CRTAP: variants seen among roughly 807,000 people sequenced by gnomAD.
CRTAP encodes cartilage associated protein, also known as cartilage-associated protein.
Under a neutral mutation model 42.7 loss-of-function variants are expected in CRTAP, and 33 were observed. The observed-to-expected ratio is 0.77, with a 90% CI of 0.59 to 1.03. CRTAP has a LOEUF of 1.03. Among genes scored for constraint, CRTAP ranks in the 50% least tolerant of loss-of-function variants. CRTAP has a pLI of 0.00. For missense variants in CRTAP, 613 were observed against 533.9 expected (o/e 1.15, Z -1.46); for synonymous variants, 243 against 217.7 (o/e 1.12, Z -1.02).
rs2125608300 is a variant in CRTAP at position 33,143,944 on chromosome 3, CT to C, written c.*1497del. The C allele has an allele frequency of 6.6e-6, 1 of 152,470 alleles. No homozygotes were observed. The highest frequency in any genetic ancestry group is 1.9e-4 in the East Asian group (1 of 5,162). The allele number at this position is 152,470 out of a possible 1,614,324, so 9.4% of individuals were successfully genotyped here. On this transcript the variant is annotated 3_prime_UTR_variant, in exon 7 of 7. Transcript: ENST00000320954. ...GACAGGTGGTGGAGGGCCTTGGCTT[CT>C]GCTAAGTGAGATGGGAACCACTGGA...
chr3:33,130,839 GT>G (rs2030239245), intron 4 of CRTAP, among the ~76,000 whole-genome samples: 1 of 152,138 alleles, frequency 6.6e-6, no homozygotes, highest in African/African-American at 2.4e-5. Context: ...CGTCCTGTTA[GT>G]TTCATTCTAG....
rs1160635561 is a variant in CRTAP, at chr3:33,144,179, G to C, written c.*1731G>C. 2 of 152,260 alleles carry C rather than the reference G, an allele frequency of 1.3e-5. No individual in the cohort carries two copies. The highest frequency in any genetic ancestry group is 3.8e-4 in the East Asian group (2 of 5,200). The allele number at this position is 152,260 out of a possible 1,614,324, so 9.4% of individuals were successfully genotyped here. ...ATTTTGAAAAGAGCCAATAGGATTTGCTGAGAGTTTGAATGTGGAGTGTAA... is the reference window on the plus strand; with the variant it reads ...ATTTTGAAAAGAGCCAATAGGATTTCCTGAGAGTTTGAATGTGGAGTGTAA... On this transcript the variant is annotated 3_prime_UTR_variant, in exon 7 of 7. Coordinates refer to ENST00000320954, the MANE Select transcript of CRTAP (RefSeq NM_006371.5).
At chr3:33,119,906 C>T (rs1701395270) in intron 1 of CRTAP, among the ~76,000 whole-genome samples, 1 of 152,152 alleles carries the variant, frequency 6.6e-6, no homozygotes, top group Non-Finnish European at 1.5e-5. Context: ...TTGAGAAGAA[C>T]TGTGATCTTC....
At chr3:33,127,444 T>C (rs919853692) in intron 3 of CRTAP, among the ~76,000 whole-genome samples, 36 of 118,628 alleles carry the variant, frequency 3.0e-4, no homozygotes, top group African/African-American at 1.1e-3. Flanking sequence ...TATTATTTTA[T>C]TTATTTATTT....
intron 3 of CRTAP, among the ~76,000 whole-genome samples, chr3:33,127,948 G>C (rs544706177): frequency 6.0e-5 from 9 of 150,166 alleles, no homozygotes; most frequent in Admixed American, 2.0e-4. Flanking sequence ...GCGTTTTGCT[G>C]TGTTGGCCAG....
intron 4 of CRTAP, among the ~76,000 whole-genome samples, chr3:33,131,345 AAAGAAT>A (rs1196111624): frequency 6.6e-6 from 1 of 152,082 alleles, no homozygotes; most frequent in Non-Finnish European, 1.5e-5. Context: ...AGAAAAAGAA[AAAGAAT>A]ATGTATTATA....
At chr3:33,132,144 A>T (rs368587728) in intron 4 of CRTAP, among the ~76,000 whole-genome samples, 2 of 152,080 alleles carry the variant, frequency 1.3e-5, no homozygotes, top group Non-Finnish European at 2.9e-5. Context: ...GCTAACCTAG[A>T]TCTGGAGACT....
intron 4 of CRTAP, among the ~76,000 whole-genome samples, 195 bp downstream of exon 4, chr3:33,130,262 G>C (rs377340110): frequency 2.0e-5 from 3 of 152,154 alleles, no homozygotes; most frequent in Non-Finnish European, 2.9e-5. Flanking sequence ...GCCTGGGTTC[G>C]ATTTCAGCCT....
rs770594242 is a variant in CRTAP at position 33,114,265 on chromosome 3, G to C, written c.188G>C (p.Ser63Thr). Residue 63 changes from serine to threonine, a missense_variant, in exon 1 of 7, where the codon AGC becomes ACC. Physicochemically the swap from Ser to Thr is moderately conservative, Grantham distance 58. Coordinates refer to ENST00000320954, the MANE Select transcript of CRTAP (RefSeq NM_006371.5). The part of the protein sequence containing the change: ...DKYSGEHWAE[S>T]VGYLEISLRL... The stretch of plus-strand genomic sequence containing the variant: ...TACAGCGGCGAGCACTGGGCCGAGA[G>C]CGTGGGCTACCTGGAGATCAGCCTG... 6.3e-7 allele frequency: 1 copy of C among 1,583,152 alleles called. No individual in the cohort carries two copies. The highest frequency in any genetic ancestry group is 1.7e-5 in the Admixed American group (1 of 57,672).
rs371017739 is a variant in CRTAP at position 33,124,488 on chromosome 3, C to T, written c.702C>T (p.Pro234=). The T allele has an allele frequency of 6.3e-5, 102 of 1,614,088 alleles. No individual in the cohort carries two copies. Among genetic ancestry groups the T allele is most frequent in the Non-Finnish European group, 7.8e-5 (92 of 1,180,048 alleles). The change falls in exon 3 of 7, where the codon CCC becomes CCT. Residue 234 remains proline (P), a synonymous_variant. Transcript: ENST00000320954. The part of the protein sequence containing the change: ...TSITDMELAL[P]DFFKAFYECL... ...TCACAGACATGGAGCTGGCCCTTCC[C>T]GACTTCTTCAAAGCCTTTTACGAGT...
chr3:33,138,384 C>CTT (rs1410496740), intron 6 of CRTAP, among the ~76,000 whole-genome samples: 1 of 152,072 alleles, frequency 6.6e-6, no homozygotes, highest in Non-Finnish European at 1.5e-5. Flanking sequence ...CATGAGAAGT[C>CTT]TTTCCACTTA....
At chr3:33,126,028 G>C (rs2030057138) in intron 3 of CRTAP, among the ~76,000 whole-genome samples, 1 of 152,148 alleles carries the variant, frequency 6.6e-6, no homozygotes, top group Non-Finnish European at 1.5e-5. Flanking sequence ...CAGTGGCATT[G>C]ACTACATTCA....
intron 2 of CRTAP, among the ~76,000 whole-genome samples, chr3:33,122,700 ACT>A (rs1367549816): frequency 8.0e-6 from 1 of 124,360 alleles, no homozygotes; most frequent in African/African-American, 3.3e-5. Flanking sequence ...ACAGAGCAAG[ACT>A]CTGTCTCAAA....
chr3:33,117,665 C>G (rs1701360045), intron 1 of CRTAP, among the ~76,000 whole-genome samples: 1 of 152,202 alleles, frequency 6.6e-6, no homozygotes. Flanking sequence ...CTCCCCGGAA[C>G]CACAGGGCCT....
rs894640382 is a variant in CRTAP at position 33,147,144 on chromosome 3, G to A, written c.*4696G>A. 1 of 152,630 alleles carries A rather than the reference G, an allele frequency of 6.6e-6. No homozygotes were observed. The highest frequency in any genetic ancestry group is 2.4e-5 in the African/African-American group (1 of 41,410). The allele number at this position is 152,630 out of a possible 1,614,324, so 9.5% of individuals were successfully genotyped here. On this transcript the variant is annotated 3_prime_UTR_variant, in exon 7 of 7. Transcript: ENST00000320954. ...TGTGGAGAGTTTAAACTATGTACAA[G>A]GGAGGAAAGAAAAAAAGGAAAGGAA...
intron 1 of CRTAP, among the ~76,000 whole-genome samples, chr3:33,116,092 C>T (rs1156425761): frequency 6.6e-6 from 1 of 152,086 alleles, no homozygotes; most frequent in African/African-American, 2.4e-5. Context: ...AAATTTAGGT[C>T]ACATAATCAA....
At chr3:33,128,273 CT>C (rs531872731) in intron 3 of CRTAP, among the ~76,000 whole-genome samples, 32 of 150,778 alleles carry the variant, frequency 2.1e-4, no homozygotes, top group Non-Finnish European at 1.8e-4. Context: ...TTTCTAGCAC[CT>C]TTTTTTTTCC....
At chr3:33,134,342 G>C in intron 6 of CRTAP, 77 bp downstream of exon 6, 1 of 979,532 alleles carries the variant, frequency 1.0e-6, no homozygotes, top group South Asian at 1.3e-5. Context: ...TCACTGGAAG[G>C]CTGAGTCCTC....
At chr3:33,116,948 C>T (rs2125597165) in intron 1 of CRTAP, among the ~76,000 whole-genome samples, 1 of 152,018 alleles carries the variant, frequency 6.6e-6, no homozygotes, top group South Asian at 2.1e-4. Context: ...TGTACAAAAA[C>T]ATTAAAAAAT....
Sources: gnomAD v4.1 joint callset for allele counts (sites outside exome capture counted in the v4.1 genomes callset) on GRCh38, gnomAD v4.1.1 for gene constraint, MANE v1.5 for transcripts, NCBI Gene and HGNC (gene_info 2026-07-23, HGNC 2026-07-21) for gene names.